Variants in MGAT4C observed in about 807,000 individuals in gnomAD.
MGAT4C encodes the protein alpha-1,3-mannosyl-glycoprotein 4-beta-N-acetylglucosaminyltransferase C.
A neutral mutation model predicts 40.1 loss-of-function variants in MGAT4C; 19 were observed. That is an observed-to-expected ratio of 0.47 (90% CI 0.33 to 0.70). MGAT4C has a LOEUF of 0.70. Ranked by LOEUF, MGAT4C falls within the 30% of genes least tolerant of loss-of-function variation. The pLI, the probability that MGAT4C is intolerant of heterozygous loss-of-function variation, is 0.02. For missense variants in MGAT4C, 491 were observed against 563.2 expected (o/e 0.87, Z 1.30); for synonymous variants, 181 against 187.1 (o/e 0.97, Z 0.27).
At chr12:86,454,971 C>T (rs1565774410) in intron 2 of MGAT4C, among the ~76,000 whole-genome samples, 2 of 151,974 alleles carry the variant, frequency 1.3e-5, no homozygotes, top group African/African-American at 4.8e-5. Flanking sequence ...ATTAATAATG[C>T]AAAGAGGCTG....
At chr12:86,471,790 T>C (rs1957761042) in intron 2 of MGAT4C, among the ~76,000 whole-genome samples, 1 of 152,106 alleles carries the variant, frequency 6.6e-6, no homozygotes, top group Non-Finnish European at 1.5e-5. Flanking sequence ...AATACTGCCT[T>C]TGTTTACTAT....
intron 3 of MGAT4C, among the ~76,000 whole-genome samples, chr12:86,430,347 T>G (rs1380599094): frequency 6.6e-6 from 1 of 152,160 alleles, no homozygotes; most frequent in Admixed American, 6.6e-5. Context: ...TGTGTCCTTA[T>G]GTTGTCTGCA....
chr12:86,004,704 T>C lies in MGAT4C; in HGVS notation c.-6-15152A>G, dbSNP rs73392047. Among the ~76,000 whole-genome samples, 708 of 152,304 alleles carry C rather than the reference T, an allele frequency of 4.6e-3. 2 individuals carry two copies. Among genetic ancestry groups the C allele is most frequent in the African/African-American group, 0.016 (684 of 41,560 alleles). On this transcript the variant is annotated intron_variant, in intron 2 of 4. Coordinates refer to ENST00000611864, the MANE Select transcript of MGAT4C (RefSeq NM_001351288.2). Reference sequence around the variant, plus strand: ...AGTGATTATGGTTTTGTTTGACAGTTTGTTGGTTCTTAAATGTCCTATTTT... The same window carrying C: ...AGTGATTATGGTTTTGTTTGACAGTCTGTTGGTTCTTAAATGTCCTATTTT...
intron 1 of MGAT4C, among the ~76,000 whole-genome samples, chr12:86,211,406 CAAAAAAAAAAAAAA>C (rs58874795): frequency 3.4e-4 from 12 of 35,516 alleles, no homozygotes; most frequent in East Asian, 1.6e-3. Context: ...ACTACAAATA[CAAAAAAAAAAAAAA>C]AAAAAAAAAA....
At position 85,974,566 on chromosome 12, in the gene MGAT4C, G is replaced by A. The variant is rs572374121; in HGVS notation, c.*4723C>T. ...GTATATATACATACACACAGATTGA[G>A]AGATTAACCATATGTAGATACACAC... On this transcript the variant is annotated 3_prime_UTR_variant, in exon 5 of 5. Transcript: ENST00000611864. 1.7e-4 allele frequency: 26 copies of A among 150,342 alleles called. No individual in the cohort carries two copies. The highest frequency in any genetic ancestry group is 2.4e-4 in the Non-Finnish European group (16 of 66,904). The allele number at this position is 150,342 out of a possible 1,614,324, so 9.3% of individuals were successfully genotyped here. A position where few individuals can be genotyped will look rare whatever the true frequency, so the allele number is the denominator to read the frequency against.
At chr12:86,057,074 A>T (rs1407730244) in intron 1 of MGAT4C, among the ~76,000 whole-genome samples, 2 of 152,196 alleles carry the variant, frequency 1.3e-5, no homozygotes, top group African/African-American at 4.8e-5. Flanking sequence ...TATTAATTTT[A>T]TTTAAAAAAA....
chr12:86,572,160 G>A, intron 2 of MGAT4C, among the ~76,000 whole-genome samples: 1 of 152,102 alleles, frequency 6.6e-6, no homozygotes, highest in East Asian at 1.9e-4. Context: ...TTTAAGATTA[G>A]CTTTGTGCAC....
intron 1 of MGAT4C, among the ~76,000 whole-genome samples, chr12:86,779,830 G>A (rs1378617255): frequency 1.3e-5 from 2 of 151,832 alleles, no homozygotes; most frequent in East Asian, 3.9e-4. Flanking sequence ...GGAGAATGGC[G>A]TGAACCCAGG....
At chr12:86,278,558 C>A (rs1459070549) in intron 4 of MGAT4C, among the ~76,000 whole-genome samples, 1 of 151,752 alleles carries the variant, frequency 6.6e-6, no homozygotes, top group East Asian at 1.9e-4. Flanking sequence ...TTGTATCTTG[C>A]TACTGTACTG....
chr12:86,171,137 C>T (rs866124368), intron 1 of MGAT4C, among the ~76,000 whole-genome samples: 2 of 151,614 alleles, frequency 1.3e-5, no homozygotes, highest in African/African-American at 2.4e-5. Context: ...TTTGGGAGGC[C>T]GAAGTGGGTG....
intron 2 of MGAT4C, among the ~76,000 whole-genome samples, chr12:86,040,995 C>T (rs1046050774): frequency 4.6e-5 from 7 of 152,162 alleles, no homozygotes; most frequent in African/African-American, 1.4e-4. Flanking sequence ...TCAACTCACC[C>T]TCCTTGGGCT....
chr12:85,957,765 G>C lies in MGAT4C; in HGVS notation c.*21524C>G, dbSNP rs1882886969. ...TACAAACTGAACTCCTTCAGCTAAG[G>C]GGTTAATCGGTCAGGGTAGTGCAGG... On this transcript the variant is annotated 3_prime_UTR_variant, in exon 5 of 5. Transcript: ENST00000611864. 1 of 151,824 alleles carries C rather than the reference G, an allele frequency of 6.6e-6. No individual in the cohort carries two copies. Among genetic ancestry groups the C allele is most frequent in the African/African-American group, 2.4e-5 (1 of 41,336 alleles). The allele number at this position is 151,824 out of a possible 1,614,324, so 9.4% of individuals were successfully genotyped here.
At chr12:86,144,496 G>A (rs896545237) in intron 1 of MGAT4C, among the ~76,000 whole-genome samples, 1 of 151,996 alleles carries the variant, frequency 6.6e-6, no homozygotes, top group Non-Finnish European at 1.5e-5. Context: ...TGTGACCAAG[G>A]GGTTTATACA....
chr12:86,494,251 C>T (rs1050715214), intron 2 of MGAT4C, among the ~76,000 whole-genome samples: 5 of 151,486 alleles, frequency 3.3e-5, no homozygotes, highest in African/African-American at 1.2e-4. Flanking sequence ...GAAGTTTATC[C>T]AACTTTTTAT....
intron 2 of MGAT4C, among the ~76,000 whole-genome samples, chr12:86,602,990 G>A (rs1180650301): frequency 1.3e-5 from 2 of 151,160 alleles, no homozygotes; most frequent in African/African-American, 2.4e-5. Context: ...AGCATATTAC[G>A]CTACGTGAAA....
intron 1 of MGAT4C, among the ~76,000 whole-genome samples, chr12:86,113,340 T>A (rs1365006449): frequency 6.6e-6 from 1 of 151,814 alleles, no homozygotes; most frequent in African/African-American, 2.4e-5. Flanking sequence ...AAAATCTAAC[T>A]GTGGTGCAAC....
At chr12:86,449,479 T>C (rs1003026125) in intron 2 of MGAT4C, among the ~76,000 whole-genome samples, 5 of 152,152 alleles carry the variant, frequency 3.3e-5, no homozygotes, top group Non-Finnish European at 7.4e-5. Context: ...TGTATCTTCA[T>C]GAAGCTAACA....
chr12:86,748,947 T>A (rs777603014), intron 1 of MGAT4C, among the ~76,000 whole-genome samples: 2 of 122,058 alleles, frequency 1.6e-5, no homozygotes, highest in Non-Finnish European at 3.3e-5. Flanking sequence ...TCTTTTAACC[T>A]TTTTTTTTTT....
intron 1 of MGAT4C, among the ~76,000 whole-genome samples, chr12:86,251,358 T>C (rs1952270631): frequency 6.6e-6 from 1 of 152,006 alleles, no homozygotes; most frequent in South Asian, 2.1e-4. Context: ...ATGTTTCCTA[T>C]TTCCCATAAA....
Sources: gnomAD v4.1 joint callset for allele counts (sites outside exome capture counted in the v4.1 genomes callset) on GRCh38, gnomAD v4.1.1 for gene constraint, MANE v1.5 for transcripts, NCBI Gene and HGNC (gene_info 2026-07-23, HGNC 2026-07-21) for gene names.